ARHGEF10: variants seen among roughly 807,000 people sequenced by gnomAD.
The protein encoded by ARHGEF10 is Rho guanine nucleotide exchange factor (GEF) 10.
ARHGEF10 carries 140 observed loss-of-function variants against 147.4 expected under a neutral mutation model. That is an observed-to-expected ratio of 0.95 (90% confidence interval 0.83 to 1.09). The LOEUF (loss-of-function observed/expected upper bound fraction) is 1.09, where lower values mean the gene tolerates loss of function less well. ARHGEF10 is among the 50% of genes least tolerant of loss of function. The pLI is 0.00. For synonymous variants in ARHGEF10, 902 were observed against 695.8 expected (o/e 1.30, Z -4.67); for missense variants, 2,222 against 1,752.7 (o/e 1.27, Z -4.78).
At chr8:1,930,282 C>G (rs1813020435) in intron 25 of ARHGEF10, among the ~76,000 whole-genome samples, 1 of 152,060 alleles carries the variant, frequency 6.6e-6, no homozygotes, top group African/African-American at 2.4e-5. Context: ...CTTGGCGGGT[C>G]CTGTTATCTT....
chr8:1,919,411 C>G (rs1192765218), intron 18 of ARHGEF10, among the ~76,000 whole-genome samples: 2 of 142,512 alleles, frequency 1.4e-5, no homozygotes, highest in East Asian at 4.4e-4. Context: ...GATGATGGAG[C>G]TGTTCCTTGG....
In ARHGEF10 at chr8:1,948,023, C is replaced by G. The variant is rs572968938; in HGVS notation, c.3397+2368C>G. On this transcript the variant is annotated intron_variant, in intron 27 of 28. Transcript: ENST00000349830. The surrounding 1 kb of genome is among the most constrained non-coding windows in gnomAD (Gnocchi z 4.9). ...GGCTAAATCGCAGCTGCCTGTGTTGCGTGTTTTGGATGATGAAGTTGTCTG... is the reference window on the plus strand; with the variant it reads ...GGCTAAATCGCAGCTGCCTGTGTTGGGTGTTTTGGATGATGAAGTTGTCTG... Among the ~76,000 whole-genome samples the G allele has an allele frequency of 2.4e-3, 361 of 152,086 alleles. No individual in the cohort carries two copies. The highest frequency in any genetic ancestry group is 6.8e-3 in the Middle Eastern group (2 of 294).
Position 1,881,774 on chromosome 8 carries a change from G to A in ARHGEF10, c.961-861G>A, listed in dbSNP as rs142945154. ...TGCCCAGCAGCCCTGCTCCTCACGC[G>A]GTGGTGTGACCCAGATGAGGAGAGC... On this transcript the variant is annotated intron_variant, in intron 9 of 28. Transcript: ENST00000349830. Among the ~76,000 whole-genome samples the A allele has an allele frequency of 1.7e-3, 257 of 152,326 alleles. 1 individual carries two copies. Among genetic ancestry groups the A allele is most frequent in the African/African-American group, 5.8e-3 (243 of 41,582 alleles).
chr8:1,836,590 C>T (rs1326378721), intron 1 of ARHGEF10, among the ~76,000 whole-genome samples: 3 of 152,138 alleles, frequency 2.0e-5, no homozygotes, highest in African/African-American at 4.8e-5. Flanking sequence ...AGATACTTCT[C>T]ACAGCAGGTC....
intron 13 of ARHGEF10, 91 bp from the exon 14 acceptor site, chr8:1,896,242 T>C: frequency 1.1e-6 from 1 of 942,342 alleles, no homozygotes; most frequent in Non-Finnish European, 1.8e-6. Flanking sequence ...GAAAGAGTAT[T>C]TTGAGGGCGA....
chr8:1,833,097 GAGAGAC>G (rs1563149665), intron 1 of ARHGEF10, among the ~76,000 whole-genome samples: 12 of 17,832 alleles, frequency 6.7e-4, no homozygotes, highest in African/African-American at 2.1e-3. Context: ...GACAGAGGCA[GAGAGAC>G]AGAGACAGAG....
At chr8:1,835,006 C>T (rs1426246557) in intron 1 of ARHGEF10, among the ~76,000 whole-genome samples, 1 of 152,212 alleles carries the variant, frequency 6.6e-6, no homozygotes, top group East Asian at 1.9e-4. Context: ...ATTCGCCAAG[C>T]GGGTCCGCCA....
intron 10 of ARHGEF10, among the ~76,000 whole-genome samples, chr8:1,884,918 C>G (rs62477541): frequency 0.052 from 7,853 of 152,106 alleles, 271 homozygotes; most frequent in South Asian, 0.14. Flanking sequence ...GTGCTCACAA[C>G]CATGCCTGGC....
chr8:1,862,839 C>T (rs1464362076), intron 4 of ARHGEF10, among the ~76,000 whole-genome samples: 5 of 141,450 alleles, frequency 3.5e-5, no homozygotes, highest in Admixed American at 2.3e-4. Flanking sequence ...AGTACAGTGG[C>T]GGGATCTCGG....
intron 2 of ARHGEF10, among the ~76,000 whole-genome samples, chr8:1,850,073 G>A (rs1234675362): frequency 2.4e-5 from 3 of 125,898 alleles, no homozygotes; most frequent in Admixed American, 2.3e-4. Flanking sequence ...CGGCTGCGTG[G>A]ACACAGAGGG....
At chr8:1,900,765 G>C (rs962946350) in intron 15 of ARHGEF10, among the ~76,000 whole-genome samples, 2 of 152,170 alleles carry the variant, frequency 1.3e-5, no homozygotes, top group African/African-American at 4.8e-5. Context: ...CTTGCACTTA[G>C]AAAGATTCAG....
At position 1,957,418 on chromosome 8, in the gene ARHGEF10, C is replaced by G; in HGVS notation, c.*155C>G. 4.7e-6 allele frequency: 5 copies of G among 1,066,736 alleles called. No homozygotes were observed. Among genetic ancestry groups the G allele is most frequent in the Non-Finnish European group, 5.4e-6 (4 of 743,246 alleles). 66.1% of individuals were successfully genotyped at this position (1,066,736 alleles called of 1,614,324 possible). On this transcript the variant is annotated 3_prime_UTR_variant, in exon 29 of 29. Coordinates refer to ENST00000349830, the MANE Select transcript of ARHGEF10 (RefSeq NM_014629.4). ...ACGTGCAATAGCGTAATGGTGGTGT[C>G]CCTGCCAATTCCTTCCTTCTCTTCT...
Position 1,957,405 on chromosome 8 carries a change from G to A in ARHGEF10, c.*142G>A, listed in dbSNP as rs373955499. ...ATTTGGGGGAGAAACGTGCAATAGC[G>A]TAATGGTGGTGTCCCTGCCAATTCC... is the stretch of plus-strand genomic sequence containing the variant. On this transcript the variant is annotated 3_prime_UTR_variant, in exon 29 of 29. Coordinates refer to ENST00000349830, the MANE Select transcript of ARHGEF10 (RefSeq NM_014629.4). 1.9e-5 allele frequency: 22 copies of A among 1,185,676 alleles called. No individual in the cohort carries two copies. The highest frequency in any genetic ancestry group is 7.7e-5 in the East Asian group (3 of 39,060). The allele number at this position is 1,185,676 out of a possible 1,614,324, so 73.4% of individuals were successfully genotyped here.
At chr8:1,866,848 C>T (rs1249938066) in intron 6 of ARHGEF10, among the ~76,000 whole-genome samples, 1 of 152,158 alleles carries the variant, frequency 6.6e-6, no homozygotes, top group Non-Finnish European at 1.5e-5. Flanking sequence ...TCGTTTCTTT[C>T]TAGCACAGGC....
chr8:1,828,574 G>A (rs557620671), intron 1 of ARHGEF10, among the ~76,000 whole-genome samples: 5 of 136,480 alleles, frequency 3.7e-5, no homozygotes, highest in South Asian at 5.3e-4. Flanking sequence ...TTGATAAACT[G>A]TGGCATGCAC....
At chr8:1,893,746 C>T (rs1809739919) in intron 12 of ARHGEF10, 100 bp downstream of exon 12, 4 of 1,014,596 alleles carry the variant, frequency 3.9e-6, no homozygotes, top group Non-Finnish European at 6.0e-6. Flanking sequence ...GTTTATGAAA[C>T]ATAACATGCA....
At chr8:1,866,228 C>G (rs530540701) in intron 5 of ARHGEF10, among the ~76,000 whole-genome samples, 2 of 152,186 alleles carry the variant, frequency 1.3e-5, no homozygotes, top group African/African-American at 4.8e-5. Context: ...AACCAGAAGA[C>G]AGTTCAGGCC....
At chr8:1,871,789 C>T (rs1807151549) in intron 7 of ARHGEF10, among the ~76,000 whole-genome samples, 2 of 152,138 alleles carry the variant, frequency 1.3e-5, no homozygotes, top group East Asian at 1.9e-4. Context: ...TACACTCCAG[C>T]CTGGGCAACA....
intron 16 of ARHGEF10, chr8:1,904,276 C>A (rs1409401732): frequency 1.3e-5 from 2 of 152,136 alleles, no homozygotes. Context: ...GTGGGCTTTC[C>A]CGTATTCACT....
Sources: allele counts gnomAD v4.1 joint callset (sites outside exome capture counted in the v4.1 genomes callset), GRCh38; gene constraint gnomAD v4.1.1; non-coding constraint Gnocchi (gnomAD v3.1); transcripts MANE v1.5; gene names NCBI Gene and HGNC (gene_info 2026-07-23, HGNC 2026-07-21).